EPOR: variants seen among roughly 807,000 people sequenced by gnomAD.
EPOR encodes erythropoietin receptor.
A neutral mutation model predicts 34.3 loss-of-function variants in EPOR; 20 were observed. That is an observed-to-expected ratio of 0.58 (90% CI 0.41 to 0.85). The LOEUF is 0.85. EPOR is among the 40% of genes least tolerant of loss of function. The pLI is 0.00. For missense variants in EPOR, 601 were observed against 672.7 expected (o/e 0.89, Z 1.18); for synonymous variants, 312 against 299.0 (o/e 1.04, Z -0.45).
At chr19:11,380,794 G>T in intron 6 of EPOR, 90 bp downstream of exon 6, 1 of 1,070,702 alleles carries the variant, frequency 9.3e-7, no homozygotes, top group Non-Finnish European at 1.4e-6. Flanking sequence ...TTGGGCAAGT[G>T]CGTGTCTCTC....
rs1968299056 is a variant in EPOR, at chr19:11,377,719, A to C, written c.*265T>G. ...ATCCCTATGGCCTATGCCCAGGGGA[A>C]GATGGGACTTAAAGGGTGTTTGTAG... On this transcript the variant is annotated 3_prime_UTR_variant, in exon 8 of 8. Coordinates refer to ENST00000222139, the MANE Select transcript of EPOR (RefSeq NM_000121.4). 3.2e-6 allele frequency: 2 copies of C among 619,546 alleles called. No individual in the cohort carries two copies. Among genetic ancestry groups the C allele is most frequent in the African/African-American group, 3.6e-5 (2 of 55,514 alleles). The allele number at this position is 619,546 out of a possible 1,614,324, so 38.4% of individuals were successfully genotyped here. A position where few individuals can be genotyped will look rare whatever the true frequency, so the allele number is the denominator to read the frequency against.
At position 11,377,348 on chromosome 19, in the gene EPOR, G is replaced by T; in HGVS notation, c.*636C>A. ...GGGGTCATGTGACTGTTTCCAGCCA[G>T]TGAGGTGTGAGAAGAAGAGAGGAAG... On this transcript the variant is annotated 3_prime_UTR_variant, in exon 8 of 8. Coordinates refer to ENST00000222139, the MANE Select transcript of EPOR (RefSeq NM_000121.4). The T allele has an allele frequency of 2.2e-6, 1 of 454,112 alleles. No individual in the cohort carries two copies. Among genetic ancestry groups the T allele is most frequent in the Non-Finnish European group, 4.4e-6 (1 of 226,804 alleles). The allele number at this position is 454,112 out of a possible 1,614,324, so 28.1% of individuals were successfully genotyped here. A position where few individuals can be genotyped will look rare whatever the true frequency, so the allele number is the denominator to read the frequency against.
rs1294885690 is a variant in EPOR, at chr19:11,383,409, A to AG, written c.116-178dup. On this transcript the variant is annotated intron_variant, in intron 1 of 7. Coordinates refer to ENST00000222139, the MANE Select transcript of EPOR (RefSeq NM_000121.4). This position sits in a 1 kb window ranked among gnomAD's most constrained non-coding sequence, Gnocchi z 4.9. ...CAGAGGTGGTGCCCCCCTAATTCCC[A>AG]GGGGCAAGTTTCTCGCCTTACTGTC... 1.8e-5 allele frequency: 11 copies of AG among 609,692 alleles called. No individual in the cohort carries two copies. The South Asian group carries it at 2.6e-4, about 14-fold the overall frequency. 37.8% of individuals were successfully genotyped at this position (609,692 alleles called of 1,614,324 possible).
chr19:11,382,742 C>T, intron 2 of EPOR: 2 of 1,093,396 alleles, frequency 1.8e-6, no homozygotes, highest in Non-Finnish European at 2.4e-6. Flanking sequence ...GGTTCTTCCG[C>T]CTCGACCTTC....
At position 11,381,632 on chromosome 19, in the gene EPOR, G is replaced by A. The variant is rs551636869; in HGVS notation, c.585+60C>T. On this transcript the variant is annotated intron_variant, in intron 4 of 7. Transcript: ENST00000222139. This position sits in a 1 kb window ranked among gnomAD's most constrained non-coding sequence, Gnocchi z 5.3. ...AGCGGCACCGGGCGCGACCTCGAGA[G>A]GCGTGGCTGGGCCGTAGTCAGTGGA... 1.0e-5 allele frequency: 16 copies of A among 1,537,336 alleles called. No homozygotes were observed. In the East Asian group the frequency reaches 2.2e-4, roughly 21 times the overall value.
rs780211136 is a variant in EPOR, at chr19:11,377,799, A to G, written c.*185T>C. The stretch of plus-strand genomic sequence containing the variant: ...TGTGTATATATATATATAGATACAA[A>G]AAAAAACTATACATATTTAAAAATA... On this transcript the variant is annotated 3_prime_UTR_variant, in exon 8 of 8. Coordinates refer to ENST00000222139, the MANE Select transcript of EPOR (RefSeq NM_000121.4). 9.1e-6 allele frequency: 7 copies of G among 769,414 alleles called. No homozygotes were observed. The highest frequency in any genetic ancestry group is 1.6e-5 in the Non-Finnish European group (7 of 430,952). 47.7% of individuals were successfully genotyped at this position (769,414 alleles called of 1,614,324 possible).
rs1968362969 is a variant in EPOR at position 11,381,731 on chromosome 19, C to T, written c.546G>A (p.Val182=). ...CTGCGCCGTTGCCGGCCGAGACGTC[C>T]ACCTCGTAGCGGATGTGAGACGTCA... is the stretch of plus-strand genomic sequence containing the variant. ...TPMTSHIRYE[V]DVSAGNGAGS... Residue 182 remains valine (V), a synonymous_variant, in exon 4 of 8, where the codon GTG becomes GTA. Coordinates refer to ENST00000222139, the MANE Select transcript of EPOR (RefSeq NM_000121.4). This position sits in a 1 kb window ranked among gnomAD's most constrained non-coding sequence, Gnocchi z 5.3. The T allele has an allele frequency of 1.7e-5, 28 of 1,612,492 alleles. No homozygotes were observed. The highest frequency in any genetic ancestry group is 2.3e-5 in the Non-Finnish European group (27 of 1,179,430).
Position 11,378,627 on chromosome 19 carries a change from G to A in EPOR, c.916-32C>T. ...AAATAGCACCAACCTGCTCAGAGAG[G>A]CCTGCAGTTTGGCTGCAAGAAGCAG... is the stretch of plus-strand genomic sequence containing the variant. On this transcript the variant is annotated intron_variant, in intron 7 of 7. Transcript: ENST00000222139. This position sits in a 1 kb window ranked among gnomAD's most constrained non-coding sequence, Gnocchi z 5.3. 1.2e-6 allele frequency: 2 copies of A among 1,614,150 alleles called. No individual in the cohort carries two copies. Among genetic ancestry groups the A allele is most frequent in the Non-Finnish European group, 1.7e-6 (2 of 1,180,016 alleles).
In EPOR at chr19:11,378,875, G is replaced by A; in HGVS notation, c.828-97C>T. On this transcript the variant is annotated intron_variant, in intron 6 of 7. Transcript: ENST00000222139. The surrounding 1 kb of genome is among the most constrained non-coding windows in gnomAD (Gnocchi z 5.3). ...AGTCATAGAGGCACAGATACACTTG[G>A]TCCCTGTGATCACAATGGAGGCAGA... The A allele has an allele frequency of 8.0e-7, 1 of 1,250,396 alleles. No individual in the cohort carries two copies. The allele number at this position is 1,250,396 out of a possible 1,614,324, so 77.5% of individuals were successfully genotyped here. A position where few individuals can be genotyped will look rare whatever the true frequency, so the allele number is the denominator to read the frequency against.
chr19:11,378,907 C>T lies in EPOR; in HGVS notation c.828-129G>A, dbSNP rs555529740. On this transcript the variant is annotated intron_variant, in intron 6 of 7. Coordinates refer to ENST00000222139, the MANE Select transcript of EPOR (RefSeq NM_000121.4). This position sits in a 1 kb window ranked among gnomAD's most constrained non-coding sequence, Gnocchi z 5.3. ...TGATCACAATGGAGGCAGAGGAGTACATCAGGGCCAGGGGACAGGGGTTTT... is the reference window on the plus strand; with the variant it reads ...TGATCACAATGGAGGCAGAGGAGTATATCAGGGCCAGGGGACAGGGGTTTT... 1.3e-5 allele frequency: 12 copies of T among 932,560 alleles called. No homozygotes were observed. The highest frequency in any genetic ancestry group is 2.0e-5 in the Non-Finnish European group (12 of 593,860). The allele number at this position is 932,560 out of a possible 1,614,324, so 57.8% of individuals were successfully genotyped here. A position where few individuals can be genotyped will look rare whatever the true frequency, so the allele number is the denominator to read the frequency against.
chr19:11,378,004 T>TG lies in EPOR; in HGVS notation c.1506dup (p.Ser503GlnfsTer45), dbSNP rs752862659. The TG allele has an allele frequency of 4.3e-6, 7 of 1,613,978 alleles. No individual in the cohort carries two copies. The highest frequency in any genetic ancestry group is 1.1e-5 in the South Asian group (1 of 91,082). Reference sequence around the variant, plus strand: ...GTGTCCTAAGAGCAAGCCACATAGCTGGGGGGCAGAGGCTCAGCGGCTGGG... The same window carrying TG: ...GTGTCCTAAGAGCAAGCCACATAGCTGGGGGGGCAGAGGCTCAGCGGCTGGG... On this transcript the variant is annotated frameshift_variant, in exon 8 of 8. Coordinates refer to ENST00000222139, the MANE Select transcript of EPOR (RefSeq NM_000121.4). LOFTEE classifies it high-confidence loss of function. This position sits in a 1 kb window ranked among gnomAD's most constrained non-coding sequence, Gnocchi z 5.3.
Position 11,383,758 on chromosome 19 carries a change from G to A in EPOR, c.115+335C>T, listed in dbSNP as rs576011390. Among the ~76,000 whole-genome samples the A allele has an allele frequency of 2.0e-5, 3 of 152,144 alleles. No individual in the cohort carries two copies. In the South Asian group the frequency reaches 6.2e-4, roughly 32 times the overall value. On this transcript the variant is annotated intron_variant, in intron 1 of 7. Transcript: ENST00000222139. This position sits in a 1 kb window ranked among gnomAD's most constrained non-coding sequence, Gnocchi z 4.9. ...CTTTACCCTCCCTCCCCTAGGGAGG[G>A]TCGGCTTGGTCCCCACCCCCCAGGG...
rs1250626246 is a variant in EPOR, at chr19:11,377,733, G to C, written c.*251C>G. 2 of 643,048 alleles carry C rather than the reference G, an allele frequency of 3.1e-6. No homozygotes were observed. Among genetic ancestry groups the C allele is most frequent in the Non-Finnish European group, 5.7e-6 (2 of 351,222 alleles). 39.8% of individuals were successfully genotyped at this position (643,048 alleles called of 1,614,324 possible). The stretch of plus-strand genomic sequence containing the variant: ...TGCCCAGGGGAAGATGGGACTTAAA[G>C]GGTGTTTGTAGAAATCATGGTAGAA... On this transcript the variant is annotated 3_prime_UTR_variant, in exon 8 of 8. Transcript: ENST00000222139.
At position 11,384,038 on chromosome 19, in the gene EPOR, C is replaced by T. The variant is rs975072153; in HGVS notation, c.115+55G>A. 1.7e-5 allele frequency: 21 copies of T among 1,229,198 alleles called. No individual in the cohort carries two copies. In the African/African-American group the frequency reaches 3.0e-4, roughly 18 times the overall value. 76.1% of individuals were successfully genotyped at this position (1,229,198 alleles called of 1,614,324 possible). On this transcript the variant is annotated intron_variant, in intron 1 of 7. Transcript: ENST00000222139. The stretch of plus-strand genomic sequence containing the variant: ...CAGGACCTAGGCTGGGAGTTCAGGC[C>T]CCAGCATGGTCCTGCAGGCTCCAGC...
At chr19:11,382,421 T>C (rs1968375426) in intron 2 of EPOR, among the ~76,000 whole-genome samples, 1 of 146,518 alleles carries the variant, frequency 6.8e-6, no homozygotes, top group Non-Finnish European at 1.5e-5. Flanking sequence ...TGGAGTGCAA[T>C]GGCGCTACCT....
chr19:11,377,868 A>G lies in EPOR; in HGVS notation c.*116T>C. The G allele has an allele frequency of 7.5e-7, 1 of 1,329,156 alleles. No individual in the cohort carries two copies. Among genetic ancestry groups the G allele is most frequent in the Non-Finnish European group, 1.1e-6 (1 of 928,050 alleles). The allele number at this position is 1,329,156 out of a possible 1,614,324, so 82.3% of individuals were successfully genotyped here. ...CTGAGCAGGATGGATTGGGCAGACA[A>G]AATCAGCAATGCCCCTGCTCCTGAG... On this transcript the variant is annotated 3_prime_UTR_variant, in exon 8 of 8. Coordinates refer to ENST00000222139, the MANE Select transcript of EPOR (RefSeq NM_000121.4).
In EPOR at chr19:11,377,622, A is replaced by G. The variant is rs1186253155; in HGVS notation, c.*362T>C. ...AGATTTAAGAGCTGTTTAACATACTATTTTGTTATGTTATGAGTAGCATTC... is the reference window on the plus strand; with the variant it reads ...AGATTTAAGAGCTGTTTAACATACTGTTTTGTTATGTTATGAGTAGCATTC... On this transcript the variant is annotated 3_prime_UTR_variant, in exon 8 of 8. Transcript: ENST00000222139. 6.3e-6 allele frequency: 3 copies of G among 472,960 alleles called. No individual in the cohort carries two copies. Among genetic ancestry groups the G allele is most frequent in the Non-Finnish European group, 1.2e-5 (3 of 240,170 alleles). 29.3% of individuals were successfully genotyped at this position (472,960 alleles called of 1,614,324 possible).
Position 11,381,281 on chromosome 19 carries a change from A to G in EPOR, c.586-72T>C. 6.7e-7 allele frequency: 1 copy of G among 1,501,314 alleles called. No homozygotes were observed. The allele number at this position is 1,501,314 out of a possible 1,614,324, so 93.0% of individuals were successfully genotyped here. A position where few individuals can be genotyped will look rare whatever the true frequency, so the allele number is the denominator to read the frequency against. On this transcript the variant is annotated intron_variant, in intron 4 of 7. Transcript: ENST00000222139. The surrounding 1 kb of genome is among the most constrained non-coding windows in gnomAD (Gnocchi z 5.3). ...TGACGTGGGGGCGGGCCCTGGTGGA[A>G]CTGAGCCAATCAGGGGAAAGGAAAA...
chr19:11,380,387 G>A (rs1369980833), intron 6 of EPOR, among the ~76,000 whole-genome samples: 1 of 152,204 alleles, frequency 6.6e-6, no homozygotes, highest in African/African-American at 2.4e-5. Flanking sequence ...CATGAAAGAC[G>A]ACTAGAAGAT....
Sources: gnomAD v4.1 joint callset for allele counts (sites outside exome capture counted in the v4.1 genomes callset) on GRCh38, gnomAD v4.1.1 for gene constraint, Gnocchi (gnomAD v3.1) non-coding constraint, MANE v1.5 for transcripts, NCBI Gene and HGNC (gene_info 2026-07-23, HGNC 2026-07-21) for gene names.